The following REPS1 variants were observed in gnomAD, a reference collection of about 807,000 sequenced individuals.
REPS1 encodes RALBP1 associated Eps domain containing 1.
A neutral mutation model predicts 100.9 loss-of-function variants in REPS1; 39 were observed. The ratio of observed to expected loss-of-function variants is 0.39; its 90% confidence interval spans 0.30 to 0.50. The LOEUF is 0.50. Ranked by LOEUF, REPS1 falls within the 20% of genes least tolerant of loss-of-function variation. REPS1 has a pLI of 0.86. For missense variants in REPS1, 821 were observed against 968.5 expected (o/e 0.85, Z 2.02); for synonymous variants, 324 against 340.3 (o/e 0.95, Z 0.53).
At chr6:138,985,214 TC>T (rs1258551164) in intron 1 of REPS1, among the ~76,000 whole-genome samples, 1 of 152,160 alleles carries the variant, frequency 6.6e-6, no homozygotes, top group Non-Finnish European at 1.5e-5. Flanking sequence ...ATAATTCCAT[TC>T]CCCTCACTCC....
intron 8 of REPS1, among the ~76,000 whole-genome samples, chr6:138,930,968 A>C (rs935023762): frequency 3.9e-5 from 6 of 152,198 alleles, no homozygotes; most frequent in African/African-American, 1.2e-4. Context: ...ACTCTAAATT[A>C]TATTTAAAAA....
chr6:138,933,179 C>T (rs905771359), intron 8 of REPS1, among the ~76,000 whole-genome samples: 1 of 152,098 alleles, frequency 6.6e-6, no homozygotes. Flanking sequence ...AGAATAATTA[C>T]GTTATCTGAA....
chr6:138,980,394 A>C (rs1311526874), intron 1 of REPS1, among the ~76,000 whole-genome samples: 2 of 152,058 alleles, frequency 1.3e-5, no homozygotes, highest in African/African-American at 4.8e-5. Flanking sequence ...TAAAATCCAA[A>C]TTCCTTATCA....
Position 138,964,147 on chromosome 6 carries a change from A to G in REPS1, c.154-16234T>C, listed in dbSNP as rs1476847791. ...TTTCAAGCCTGCACACCAAGACCAC[A>G]TTGCTTCTTTCCTACCTGCCATGAT... is the stretch of plus-strand genomic sequence containing the variant. On this transcript the variant is annotated intron_variant, in intron 1 of 19. Coordinates refer to ENST00000450536, the MANE Select transcript of REPS1 (RefSeq NM_001286611.2). 2.6e-5 allele frequency among the ~76,000 whole-genome samples: 4 copies of G among 151,684 alleles called. No homozygotes were observed. The East Asian group carries it at 7.7e-4, about 29-fold the overall frequency.
intron 8 of REPS1, among the ~76,000 whole-genome samples, chr6:138,935,823 C>T (rs1781773473): frequency 8.2e-6 from 1 of 121,686 alleles, no homozygotes; most frequent in Non-Finnish European, 1.6e-5. Context: ...CGCAGCACTC[C>T]AGCCTGGGCA....
intron 1 of REPS1, among the ~76,000 whole-genome samples, chr6:138,956,617 C>T (rs1250651382): frequency 6.6e-6 from 1 of 151,956 alleles, no homozygotes; most frequent in African/African-American, 2.4e-5. Flanking sequence ...CCTGACCCAC[C>T]CCACCTAAAA....
intron 12 of REPS1, among the ~76,000 whole-genome samples, chr6:138,918,605 T>A (rs726092): frequency 2.0e-4 from 30 of 152,122 alleles, no homozygotes; most frequent in Admixed American, 1.6e-3. Context: ...ACGTTACTTC[T>A]GTAATGGACA....
At chr6:138,947,037 T>TCG (rs1582800822) in intron 2 of REPS1, among the ~76,000 whole-genome samples, 5 of 19,404 alleles carry the variant, frequency 2.6e-4, no homozygotes, top group Middle Eastern at 0.015. Context: ...TCCCCCTTGC[T>TCG]CTCTCTCTCT....
At chr6:138,907,312 A>AGTGTGGGTGTGTG in intron 19 of REPS1, 183 bp downstream of exon 19, 1 of 105,682 alleles carries the variant, frequency 9.5e-6, no homozygotes, top group African/African-American at 8.3e-5. Context: ...AAAAAAAAAA[A>AGTGTGGGTGTGTG]AGTGTGTGTG....
Position 138,945,137 on chromosome 6 carries a change from G to C in REPS1, c.628+82C>G, listed in dbSNP as rs1782523573. Reference sequence around the variant, plus strand: ...AATCCCCACCTACTCAGGAGGCTGAGGCAGGAGGATCATTTGAACCCAGGA... The same window carrying C: ...AATCCCCACCTACTCAGGAGGCTGACGCAGGAGGATCATTTGAACCCAGGA... On this transcript the variant is annotated intron_variant, in intron 4 of 19. Transcript: ENST00000450536. 2.4e-6 allele frequency: 3 copies of C among 1,253,706 alleles called. No individual in the cohort carries two copies. In the East Asian group the frequency reaches 8.0e-5, roughly 33 times the overall value. The allele number at this position is 1,253,706 out of a possible 1,614,324, so 77.7% of individuals were successfully genotyped here.
At chr6:138,914,966 CT>C in intron 14 of REPS1, 1 of 546,592 alleles carries the variant, frequency 1.8e-6, no homozygotes, top group Non-Finnish European at 3.2e-6. Flanking sequence ...CACTTTGCTT[CT>C]TACCTCTATT....
chr6:138,916,060 G>T, intron 13 of REPS1, 84 bp from the exon 14 acceptor site: 1 of 947,760 alleles, frequency 1.1e-6, no homozygotes, highest in Non-Finnish European at 1.7e-6. Flanking sequence ...TGGCTAAGCA[G>T]CAAAGGATCT....
intron 8 of REPS1, among the ~76,000 whole-genome samples, chr6:138,935,762 G>C (rs1004101785): frequency 4.7e-5 from 7 of 148,712 alleles, no homozygotes. Context: ...GCTGAGGCAG[G>C]AGAATTGCTT....
chr6:138,930,671 G>T (rs1409840509), intron 8 of REPS1, among the ~76,000 whole-genome samples: 1 of 151,752 alleles, frequency 6.6e-6, no homozygotes, highest in Non-Finnish European at 1.5e-5. Flanking sequence ...TTTGGGAACT[G>T]CCAATTTATA....
chr6:138,985,090 T>C (rs1785180835), intron 1 of REPS1, among the ~76,000 whole-genome samples: 1 of 152,180 alleles, frequency 6.6e-6, no homozygotes, highest in Admixed American at 6.5e-5. Flanking sequence ...CTTCAGAGTC[T>C]TTCCCAATAT....
At position 138,908,718 on chromosome 6, in the gene REPS1, T is replaced by C; in HGVS notation, c.2166A>G (p.Gln722=). The change falls in exon 18 of 20, where the codon CAA becomes CAG. Residue 722 remains glutamine, a synonymous_variant. Transcript: ENST00000450536. ...ELRPEVDEHT[Q]KTGVLAAVLA... ...GAACAGCAGCTAAGACACCCGTCTTTTGTGTATGTTCATCAACTTCTGGCC... is the reference window on the plus strand; with the variant it reads ...GAACAGCAGCTAAGACACCCGTCTTCTGTGTATGTTCATCAACTTCTGGCC... The C allele has an allele frequency of 1.2e-6, 2 of 1,614,184 alleles. No homozygotes were observed. The highest frequency in any genetic ancestry group is 2.2e-5 in the East Asian group (1 of 44,888).
intron 8 of REPS1, among the ~76,000 whole-genome samples, chr6:138,931,717 T>C (rs1781495492): frequency 1.3e-5 from 2 of 152,244 alleles, no homozygotes; most frequent in Admixed American, 1.3e-4. Context: ...ATGAAAAAAT[T>C]ATTTAGGATA....
intron 8 of REPS1, among the ~76,000 whole-genome samples, chr6:138,935,624 G>A (rs1185735356): frequency 1.3e-5 from 2 of 152,024 alleles, no homozygotes; most frequent in Non-Finnish European, 2.9e-5. Flanking sequence ...GGAAGACCGA[G>A]GCAGGCGCTT....
At chr6:138,970,208 C>T (rs184526076) in intron 1 of REPS1, among the ~76,000 whole-genome samples, 2 of 151,892 alleles carry the variant, frequency 1.3e-5, no homozygotes, top group East Asian at 1.9e-4. Flanking sequence ...CAGAAAAGAA[C>T]GATTGGCTAA....
Sources: gnomAD v4.1 joint callset for allele counts (sites outside exome capture counted in the v4.1 genomes callset) on GRCh38, gnomAD v4.1.1 for gene constraint, MANE v1.5 for transcripts, NCBI Gene and HGNC (gene_info 2026-07-23, HGNC 2026-07-21) for gene names.